VWA8: variants seen among roughly 807,000 people sequenced by gnomAD.
VWA8 encodes von Willebrand factor A domain-containing protein 8.
VWA8 carries 221 observed loss-of-function variants against 241.5 expected under a neutral mutation model. The observed-to-expected ratio is 0.91, with a 90% CI of 0.82 to 1.02. The LOEUF (loss-of-function observed/expected upper bound fraction) is 1.02, where lower values mean the gene tolerates loss of function less well. VWA8 is among the 50% of genes least tolerant of loss of function. The pLI is 0.00. For synonymous variants in VWA8, 852 were observed against 827.1 expected (o/e 1.03, Z -0.52); for missense variants, 2,322 against 2,328.7 (o/e 1.00, Z 0.06).
At chr13:41,711,306 C>T (rs1490616316) in intron 26 of VWA8, among the ~76,000 whole-genome samples, 2 of 152,126 alleles carry the variant, frequency 1.3e-5, no homozygotes, top group Non-Finnish European at 2.9e-5. Flanking sequence ...AAGTCTGAAT[C>T]CTCTCAAGTG....
intron 12 of VWA8, among the ~76,000 whole-genome samples, chr13:41,846,406 T>C (rs1288070021): frequency 2.6e-5 from 4 of 152,166 alleles, no homozygotes; most frequent in Non-Finnish European, 4.4e-5. Flanking sequence ...AGGCTGGGAT[T>C]CAATTCCACT....
At chr13:41,903,338 A>G (rs1053845690) in intron 4 of VWA8, among the ~76,000 whole-genome samples, 5 of 152,162 alleles carry the variant, frequency 3.3e-5, no homozygotes, top group Non-Finnish European at 7.3e-5. Context: ...TACCATCAAT[A>G]TATGTGTCAC....
rs188602690 is a variant in VWA8 at position 41,865,505 on chromosome 13, A to G, written c.1425+231T>C. On this transcript the variant is annotated intron_variant, in intron 12 of 44. Coordinates refer to ENST00000379310, the MANE Select transcript of VWA8 (RefSeq NM_015058.2). ...CCTTCCAGGCCTCTGGAAAATAAAT[A>G]TCTTTGAAAAACAGCCCCTGGTATG... 6.0e-5 allele frequency: 26 copies of G among 430,952 alleles called. No individual in the cohort carries two copies. In the East Asian group the frequency reaches 1.1e-3, roughly 19 times the overall value. The allele number at this position is 430,952 out of a possible 1,614,324, so 26.7% of individuals were successfully genotyped here.
At chr13:41,803,217 C>A (rs1368962016) in intron 17 of VWA8, among the ~76,000 whole-genome samples, 1 of 152,108 alleles carries the variant, frequency 6.6e-6, no homozygotes, top group Non-Finnish European at 1.5e-5. Flanking sequence ...ACAAACAAGC[C>A]CAGGCAAGGA....
intron 2 of VWA8, among the ~76,000 whole-genome samples, chr13:41,943,232 G>A (rs2138154865): frequency 6.6e-6 from 1 of 151,834 alleles, no homozygotes; most frequent in East Asian, 1.9e-4. Flanking sequence ...AAAAAGAAAA[G>A]GAAAAAACAC....
intron 10 of VWA8, among the ~76,000 whole-genome samples, chr13:41,868,072 G>A (rs1189477245): frequency 6.6e-6 from 1 of 152,098 alleles, no homozygotes; most frequent in African/African-American, 2.4e-5. Context: ...TTCTTACCAA[G>A]GACTCATAGC....
intron 38 of VWA8, among the ~76,000 whole-genome samples, chr13:41,612,722 T>C (rs2044597780): frequency 6.6e-6 from 1 of 152,210 alleles, no homozygotes; most frequent in Non-Finnish European, 1.5e-5. Flanking sequence ...CTTGAGAACT[T>C]AGAAGGGAAT....
intron 43 of VWA8, among the ~76,000 whole-genome samples, chr13:41,573,486 A>AAAATATAT: frequency 4.9e-4 from 56 of 113,596 alleles, no homozygotes; most frequent in African/African-American, 1.9e-3. Context: ...AAAAAAAAAA[A>AAAATATAT]ATATATATAT....
chr13:41,708,302 A>G (rs1401468426), intron 26 of VWA8, among the ~76,000 whole-genome samples: 1 of 152,144 alleles, frequency 6.6e-6, no homozygotes, highest in Non-Finnish European at 1.5e-5. Flanking sequence ...CAGAGGTTGC[A>G]GTGAGCCAAG....
chr13:41,865,817 C>A lies in VWA8; in HGVS notation c.1348-4G>T. 1 of 1,614,056 alleles carries A rather than the reference C, an allele frequency of 6.2e-7. No individual in the cohort carries two copies. Among genetic ancestry groups the A allele is most frequent in the Non-Finnish European group, 8.5e-7 (1 of 1,179,994 alleles). On this transcript the variant is annotated splice_region_variant and splice_polypyrimidine_tract_variant and intron_variant, in intron 11 of 44. Coordinates refer to ENST00000379310, the MANE Select transcript of VWA8 (RefSeq NM_015058.2). ...CGATCACTGTTTTTCCACAACCCTA[C>A]AAATGGAAAAAATTATTCAAGAGGT...
chr13:41,791,272 C>G (rs1367059383), intron 17 of VWA8, among the ~76,000 whole-genome samples: 1 of 151,728 alleles, frequency 6.6e-6, no homozygotes, highest in Non-Finnish European at 1.5e-5. Context: ...TAGCTGTTTT[C>G]TATTCATTTC....
chr13:41,925,865 TG>T, intron 2 of VWA8: 1 of 332,414 alleles, frequency 3.0e-6, no homozygotes. Context: ...TGAATGTCAA[TG>T]GGGAACACCC....
intron 14 of VWA8, among the ~76,000 whole-genome samples, chr13:41,829,569 G>GCA (rs879895316): frequency 0.041 from 2,703 of 65,158 alleles, 65 homozygotes; most frequent in African/African-American, 0.096. Context: ...ACACACACAT[G>GCA]CACACACACA....
chr13:41,874,309 A>C (rs1238819208), intron 9 of VWA8, among the ~76,000 whole-genome samples: 1 of 151,268 alleles, frequency 6.6e-6, no homozygotes, highest in African/African-American at 2.4e-5. Flanking sequence ...ACTCCTATTC[A>C]ACATAGTGTT....
At chr13:41,706,964 T>A (rs375644134) in intron 26 of VWA8, among the ~76,000 whole-genome samples, 2 of 152,236 alleles carry the variant, frequency 1.3e-5, no homozygotes, top group Non-Finnish European at 2.9e-5. Flanking sequence ...CATGAATTTA[T>A]GTTTTTTTAA....
intron 8 of VWA8, 27 bp downstream of exon 8, chr13:41,885,893 T>C: frequency 6.0e-6 from 9 of 1,491,632 alleles, no homozygotes; most frequent in Non-Finnish European, 8.2e-6. Flanking sequence ...TATTTGGGTA[T>C]GCCAGTCATT....
rs552607327 is a variant in VWA8, at chr13:41,636,516, C to T, written c.4612-21432G>A. Among the ~76,000 whole-genome samples, 19 of 152,012 alleles carry T rather than the reference C, an allele frequency of 1.2e-4. No individual in the cohort carries two copies. In the East Asian group the frequency reaches 1.4e-3, roughly 11 times the overall value. On this transcript the variant is annotated intron_variant, in intron 37 of 44. Transcript: ENST00000379310. ...CAATACCATTCAGGACATAGGCATG[C>T]GCAAGGACTTCATGTCTAAAACACC...
At chr13:41,901,865 CAAAAAAAAAAA>C (rs1167305999) in intron 4 of VWA8, among the ~76,000 whole-genome samples, 10 of 24,676 alleles carry the variant, frequency 4.1e-4, no homozygotes, top group African/African-American at 5.8e-4. Flanking sequence ...GACTCCATCT[CAAAAAAAAAAA>C]AAAAAAAAAA....
Position 41,750,470 on chromosome 13 carries a change from C to T in VWA8, c.2426+10658G>A, listed in dbSNP as rs539963742. The stretch of plus-strand genomic sequence containing the variant: ...AACAACAACAACAACAAAACAAAAA[C>T]AAAAAAAAAAGGAAAAAAAGAAAGG... On this transcript the variant is annotated intron_variant, in intron 21 of 44. Coordinates refer to ENST00000379310, the MANE Select transcript of VWA8 (RefSeq NM_015058.2). Among the ~76,000 whole-genome samples the T allele has an allele frequency of 8.8e-4, 105 of 119,910 alleles. 3 individuals are homozygous for T. Among genetic ancestry groups the T allele is most frequent in the Non-Finnish European group, 5.4e-5 (3 of 55,854 alleles). 78.7% of individuals were successfully genotyped at this position (119,910 alleles called of 152,430 possible). A position where few individuals can be genotyped will look rare whatever the true frequency, so the allele number is the denominator to read the frequency against.
Sources: allele counts gnomAD v4.1 joint callset (sites outside exome capture counted in the v4.1 genomes callset), GRCh38; gene constraint gnomAD v4.1.1; transcripts MANE v1.5; gene names NCBI Gene and HGNC (gene_info 2026-07-23, HGNC 2026-07-21).